CDK20: variants seen among roughly 807,000 people sequenced by gnomAD.
The protein encoded by CDK20 is cyclin dependent kinase 20, also known as cyclin-dependent kinase 20.
A neutral mutation model predicts 38.6 loss-of-function variants in CDK20; 40 were observed. The ratio of observed to expected loss-of-function variants is 1.04; its 90% CI spans 0.81 to 1.35. The LOEUF (loss-of-function observed/expected upper bound fraction) is 1.35. Among genes scored for constraint, CDK20 ranks in the 40% most tolerant of loss-of-function variants. The probability of loss-of-function intolerance (pLI) is 0.00; values close to 1 mark genes in which losing one functional copy is unlikely to be tolerated. For missense variants in CDK20, 512 were observed against 452.6 expected, an observed-to-expected ratio of 1.13 and a Z score of -1.19; for synonymous variants, 209 against 185.7, an observed-to-expected ratio of 1.13 and a Z score of -1.02.
At chr9:87,971,117 A>G (rs769406244) in intron 3 of CDK20, 30 bp downstream of exon 3, 4 of 1,604,758 alleles carry the variant, frequency 2.5e-6, no homozygotes, top group African/African-American at 1.3e-5. Flanking sequence ...AGCTCCCCAG[A>G]CCCCATGCCC....
intron 3 of CDK20, 80 bp downstream of exon 3, chr9:87,971,067 A>C: frequency 2.0e-6 from 3 of 1,525,330 alleles, no homozygotes; most frequent in Non-Finnish European, 2.7e-6. Context: ...ACTTCTTATC[A>C]CACCTTTTAC....
rs752794930 is a variant in CDK20 at position 87,970,849 on chromosome 9, T to C, written c.427A>G (p.Ile143Val). The C allele has an allele frequency of 1.2e-5, 20 of 1,614,176 alleles. No individual in the cohort carries two copies. The highest frequency in any genetic ancestry group is 1.7e-5 in the Non-Finnish European group (20 of 1,180,042). ...LLISASGQLK[I>V]ADFGLARVFS... ...ACTCGAGCCAGGCCAAAGTCCGCTATCTTGAGCTGGCCTGAGGCGCTGATG... is the reference window on the plus strand; with the variant it reads ...ACTCGAGCCAGGCCAAAGTCCGCTACCTTGAGCTGGCCTGAGGCGCTGATG... The change falls in exon 4 of 8, where the codon ATA becomes GTA. Residue 143 changes from isoleucine (I) to valine (V), a missense_variant. Coordinates refer to ENST00000325303, the MANE Select transcript of CDK20 (RefSeq NM_001039803.3).
Position 87,969,342 on chromosome 9 carries a change from G to T in CDK20, c.695C>A (p.Thr232Asn), listed in dbSNP as rs1409489670. Residue 232 changes from threonine to asparagine, a missense_variant, in exon 7 of 8, where the codon ACT becomes AAT. Thr to Asn is a moderately conservative substitution (Grantham distance 65). Coordinates refer to ENST00000325303, the MANE Select transcript of CDK20 (RefSeq NM_001039803.3). Reference sequence around the variant, plus strand: ...GATCTTGTTGTAGTCCGGCAGCTCAGTGAGCTCCTGGGCCAGGGAGAAGGA... The same window carrying T: ...GATCTTGTTGTAGTCCGGCAGCTCATTGAGCTCCTGGGCCAGGGAGAAGGA... ...TPNPQVWPEL[T>N]ELPDYNKISF... is the part of the protein sequence containing the mutation. 1.2e-6 allele frequency: 2 copies of T among 1,613,906 alleles called. No individual in the cohort carries two copies. Among genetic ancestry groups the T allele is most frequent in the Admixed American group, 3.3e-5 (2 of 60,006 alleles).
chr9:87,974,469 G>T lies in CDK20; in HGVS notation c.-23C>A, dbSNP rs371419018. The T allele has an allele frequency of 1.8e-5, 29 of 1,597,434 alleles. No individual in the cohort carries two copies. The highest frequency in any genetic ancestry group is 2.3e-5 in the Non-Finnish European group (27 of 1,171,600). ...CATCCCGCTGCAGTCGTGGGCCTGT[G>T]CCCCTGTGCCCCTGAACTTCCAAAC... On this transcript the variant is annotated 5_prime_UTR_variant, in exon 1 of 8. Coordinates refer to ENST00000325303, the MANE Select transcript of CDK20 (RefSeq NM_001039803.3).
At chr9:87,973,809 G>C in intron 2 of CDK20, 113 bp downstream of exon 2, 1 of 1,110,730 alleles carries the variant, frequency 9.0e-7, no homozygotes, top group South Asian at 1.4e-5. Flanking sequence ...GTGAGTGACA[G>C]CGGGAGGAAA....
In CDK20 at chr9:87,969,322, T is replaced by C. The variant is rs1240327568; in HGVS notation, c.715A>G (p.Lys239Glu). 1.2e-6 allele frequency: 2 copies of C among 1,613,702 alleles called. No homozygotes were observed. Among genetic ancestry groups the C allele is most frequent in the South Asian group, 2.2e-5 (2 of 91,068 alleles). Residue 239 changes from lysine to glutamate, a missense_variant, in exon 7 of 8, where the codon AAG becomes GAG. Lys to Glu is a moderately conservative substitution (Grantham distance 56, BLOSUM62 1). Coordinates refer to ENST00000325303, the MANE Select transcript of CDK20 (RefSeq NM_001039803.3). ...GGCACCTGCTCCTTAAAGGAGATCT[T>C]GTTGTAGTCCGGCAGCTCAGTGAGC... is the stretch of plus-strand genomic sequence containing the variant. ...PELTELPDYN[K>E]ISFKEQVPMP... is the part of the protein sequence containing the mutation.
In CDK20 at chr9:87,967,484, C is replaced by T. The variant is rs753328488; in HGVS notation, c.1019G>A (p.Arg340Gln). Residue 340 changes from arginine to glutamine, a missense_variant, in exon 8 of 8, where the codon CGG (arginine) becomes CAG (glutamine). Coordinates refer to ENST00000325303, the MANE Select transcript of CDK20 (RefSeq NM_001039803.3). ...EESLLNPELI[R>Q]PFILEG Reference sequence around the variant, plus strand: ...TTCTCACCCCTCCAGGATGAAGGGCCGAATCAGCTCTGGGTTCAACAGCGA... The same window carrying T: ...TTCTCACCCCTCCAGGATGAAGGGCTGAATCAGCTCTGGGTTCAACAGCGA... 1.3e-5 allele frequency: 20 copies of T among 1,555,012 alleles called. No homozygotes were observed. The highest frequency in any genetic ancestry group is 9.7e-5 in the Admixed American group (5 of 51,368).
chr9:87,969,670 G>C, intron 6 of CDK20, 126 bp downstream of exon 6: 1 of 1,449,212 alleles, frequency 6.9e-7, no homozygotes, highest in Admixed American at 2.0e-5. Context: ...GGCCAGGACA[G>C]TGGTCCCTGT....
Position 87,974,049 on chromosome 9 carries a change from G to A in CDK20, c.76-14C>T, listed in dbSNP as rs755982297. 6.2e-7 allele frequency: 1 copy of A among 1,613,986 alleles called. No homozygotes were observed. The highest frequency in any genetic ancestry group is 2.2e-5 in the East Asian group (1 of 44,864). On this transcript the variant is annotated splice_polypyrimidine_tract_variant and intron_variant, in intron 1 of 7. Coordinates refer to ENST00000325303, the MANE Select transcript of CDK20 (RefSeq NM_001039803.3). ...TATCTCGCCAGTCTGCAGGATAGAA[G>A]GCAGACACTGCCAGCCCACCCTCGG...
chr9:87,970,705 A>C lies in CDK20; in HGVS notation c.500+71T>G, dbSNP rs889174522. The C allele has an allele frequency of 1.6e-4, 262 of 1,612,492 alleles. No individual in the cohort carries two copies. The highest frequency in any genetic ancestry group is 2.2e-4 in the Admixed American group (13 of 59,940). On this transcript the variant is annotated intron_variant, in intron 4 of 7. Coordinates refer to ENST00000325303, the MANE Select transcript of CDK20 (RefSeq NM_001039803.3). The stretch of plus-strand genomic sequence containing the variant: ...GGAGGTGACCCCAGCCCCACAAGCA[A>C]TGTCTGGAGAAAAGGCCCAGAAGCA...
In CDK20 at chr9:87,973,920, A is replaced by G. The variant is rs1166184709; in HGVS notation, c.189+2T>C. The G allele has an allele frequency of 1.9e-6, 3 of 1,613,624 alleles. No homozygotes were observed. The highest frequency in any genetic ancestry group is 2.5e-6 in the Non-Finnish European group (3 of 1,179,810). ...ATACCATGCCCCCCCTCCCCTACTC[A>G]CATACTGATTGTCCTCCATCTCCTG... On this transcript the variant is annotated splice_donor_variant, in intron 2 of 7. Coordinates refer to ENST00000325303, the MANE Select transcript of CDK20 (RefSeq NM_001039803.3). LOFTEE classifies it high-confidence loss of function.
rs772525394 is a variant in CDK20 at position 87,966,915 on chromosome 9, C to T, written c.*547G>A. ...CAAAAACGAGAGCCATGAGACAATG[C>T]CACCTTAGCCATTTCCCTTGAGAGA... On this transcript the variant is annotated 3_prime_UTR_variant, in exon 8 of 8. Coordinates refer to ENST00000325303, the MANE Select transcript of CDK20 (RefSeq NM_001039803.3). The T allele has an allele frequency of 3.9e-5, 15 of 389,412 alleles. No homozygotes were observed. The highest frequency in any genetic ancestry group is 7.2e-5 in the East Asian group (1 of 13,854). 24.1% of individuals were successfully genotyped at this position (389,412 alleles called of 1,614,324 possible). A position where few individuals can be genotyped will look rare whatever the true frequency, so the allele number is the denominator to read the frequency against.
In CDK20 at chr9:87,970,878, A is replaced by G; in HGVS notation, c.398T>C (p.Leu133Pro). Residue 133 changes from leucine to proline, a missense_variant, in exon 4 of 8, where the codon CTG becomes CCG. Transcript: ENST00000325303. ...GAGCTGGCCTGAGGCGCTGATGAGCAGGTTGGCAGGTTTCAGGTCCTGGGA... is the reference window on the plus strand; with the variant it reads ...GAGCTGGCCTGAGGCGCTGATGAGCGGGTTGGCAGGTTTCAGGTCCTGGGA... ...IVHRDLKPAN[L>P]LISASGQLKI... is the part of the protein sequence containing the mutation. 1 of 1,614,168 alleles carries G rather than the reference A, an allele frequency of 6.2e-7. No homozygotes were observed. The highest frequency in any genetic ancestry group is 8.5e-7 in the Non-Finnish European group (1 of 1,180,032).
At chr9:87,973,894 A>T (rs368970176) in intron 2 of CDK20, 28 bp downstream of exon 2, 211 of 1,604,176 alleles carry the variant, frequency 1.3e-4, no homozygotes, top group Non-Finnish European at 1.7e-4. Flanking sequence ...TGAGGGTGAG[A>T]ATACCATGCC....
Position 87,970,796 on chromosome 9 carries a change from G to T in CDK20, c.480C>A (p.Tyr160Ter). The change falls in exon 4 of 8, where the codon TAC becomes TAA. Residue 160 changes from tyrosine (Y) to a stop codon, truncating the protein, a stop_gained. Transcript: ENST00000325303. LOFTEE classifies it high-confidence loss of function. ...CCTACCTGGTGGCCACCTGGTGTGT[G>T]TAGAGGCGGCTGCCGTCTGGGGAAA... is the stretch of plus-strand genomic sequence containing the variant. ...RVFSPDGSRL[Y>*]THQVATRWYR... is the part of the protein sequence containing the mutation. 6.2e-7 allele frequency: 1 copy of T among 1,614,174 alleles called. No homozygotes were observed. Among genetic ancestry groups the T allele is most frequent in the South Asian group, 1.1e-5 (1 of 91,084 alleles).
At chr9:87,969,565 G>A in intron 6 of CDK20, 3 of 765,406 alleles carry the variant, frequency 3.9e-6, no homozygotes, top group East Asian at 2.7e-5. Context: ...ACAGCTTGCT[G>A]AGACACTGCA....
At chr9:87,969,471 T>C (rs1034647867) in intron 6 of CDK20, 122 bp from the exon 7 acceptor site, 2 of 1,077,016 alleles carry the variant, frequency 1.9e-6, no homozygotes, top group Non-Finnish European at 2.7e-6. Context: ...CATCCATGTG[T>C]CTCCCTGACC....
rs1221626116 is a variant in CDK20, at chr9:87,966,833, C to G, written c.*629G>C. The G allele has an allele frequency of 2.8e-6, 1 of 358,416 alleles. No homozygotes were observed. The highest frequency in any genetic ancestry group is 5.5e-6 in the Non-Finnish European group (1 of 182,570). 22.2% of individuals were successfully genotyped at this position (358,416 alleles called of 1,614,324 possible). On this transcript the variant is annotated 3_prime_UTR_variant, in exon 8 of 8. Coordinates refer to ENST00000325303, the MANE Select transcript of CDK20 (RefSeq NM_001039803.3). ...AATGAGTGCTCAGTGATGTGAAGTA[C>G]ACAGGAGTCCCTCAGGGCAAAAGTG...
intron 5 of CDK20, 62 bp downstream of exon 5, chr9:87,970,497 GCTCAGAGAC>G: frequency 4.2e-6 from 6 of 1,422,246 alleles, no homozygotes; most frequent in Middle Eastern, 1.8e-4. Context: ...CCACCAAACA[GCTCAGAGAC>G]CTCAGAGCCT....
Sources: allele counts gnomAD v4.1 joint callset, GRCh38; gene constraint gnomAD v4.1.1; transcripts MANE v1.5; gene names NCBI Gene and HGNC (gene_info 2026-07-23, HGNC 2026-07-21).